Variants in EIF4G3 observed in about 807,000 individuals in gnomAD.
EIF4G3 encodes eukaryotic translation initiation factor 4 gamma 3.
EIF4G3 carries 34 observed loss-of-function variants against 186.4 expected under a neutral mutation model. That is an observed-to-expected ratio of 0.18 (90% CI 0.14 to 0.24). The LOEUF is 0.24. EIF4G3 is among the 10% of genes least tolerant of loss of function. EIF4G3 has a pLI of 1.00. For synonymous variants in EIF4G3, 673 were observed against 679.5 expected, an observed-to-expected ratio of 0.99 and a Z score of 0.15; for missense variants, 1,536 against 1,948.5, an observed-to-expected ratio of 0.79 and a Z score of 3.99.
chr1:21,038,696 A>T (rs2093383102), intron 4 of EIF4G3, among the ~76,000 whole-genome samples: 8 of 152,086 alleles, frequency 5.3e-5, no homozygotes, highest in Admixed American at 5.2e-4. Context: ...TAGGACTTCA[A>T]ATTAGATTTT....
Position 21,021,467 on chromosome 1 carries a change from C to T in EIF4G3, c.-66-18659G>A, listed in dbSNP as rs2090661890. The stretch of plus-strand genomic sequence containing the variant: ...ATGATTATTATGTAAGCTCAGGCTT[C>T]CAAGTGCTCTCTCCTTCAAAGCCAA... On this transcript the variant is annotated intron_variant, in intron 4 of 36. Coordinates refer to ENST00000602326, the MANE Select transcript of EIF4G3 (RefSeq NM_001391906.1). Among the ~76,000 whole-genome samples the T allele has an allele frequency of 2.0e-5, 3 of 152,218 alleles. No individual in the cohort carries two copies. The South Asian group carries it at 6.2e-4, about 31-fold the overall frequency.
At chr1:20,858,983 G>A (rs969631403) in intron 24 of EIF4G3, among the ~76,000 whole-genome samples, 1 of 152,126 alleles carries the variant, frequency 6.6e-6, no homozygotes, top group East Asian at 1.9e-4. Flanking sequence ...GCGACAGAGC[G>A]AGACTCATCT....
chr1:21,113,311 A>G (rs2096760331), intron 2 of EIF4G3, among the ~76,000 whole-genome samples: 1 of 150,294 alleles, frequency 6.7e-6, no homozygotes, highest in South Asian at 2.1e-4. Flanking sequence ...AGGCTGAATG[A>G]TTTTTTTTTT....
At chr1:21,029,671 TATA>T (rs1419245057) in intron 4 of EIF4G3, among the ~76,000 whole-genome samples, 4 of 151,852 alleles carry the variant, frequency 2.6e-5, no homozygotes, top group African/African-American at 9.7e-5. Flanking sequence ...AAAATAAAGT[TATA>T]GTAGTTAGTG....
intron 3 of EIF4G3, among the ~76,000 whole-genome samples, chr1:21,061,377 G>C (rs1365290032): frequency 6.6e-6 from 1 of 152,148 alleles, no homozygotes; most frequent in African/African-American, 2.4e-5. Flanking sequence ...ATTACTGTGA[G>C]ACAGGATTAG....
chr1:20,989,262 A>T (rs1570478421), intron 7 of EIF4G3, among the ~76,000 whole-genome samples: 2 of 151,538 alleles, frequency 1.3e-5, no homozygotes, highest in East Asian at 3.9e-4. Context: ...CTAGAATTAG[A>T]AGTAGTGCCT....
At chr1:20,901,680 TG>T in intron 15 of EIF4G3, among the ~76,000 whole-genome samples, 1 of 152,278 alleles carries the variant, frequency 6.6e-6, no homozygotes, top group South Asian at 2.1e-4. Flanking sequence ...CTGAATTATC[TG>T]AGGTGTATTA....
intron 3 of EIF4G3, among the ~76,000 whole-genome samples, chr1:21,056,205 G>A (rs1193607732): frequency 6.6e-6 from 1 of 152,058 alleles, no homozygotes; most frequent in Non-Finnish European, 1.5e-5. Context: ...TTCTAAAAAG[G>A]CACTTCCTCC....
intron 4 of EIF4G3, among the ~76,000 whole-genome samples, chr1:21,037,431 T>A (rs1215835574): frequency 6.6e-6 from 1 of 152,136 alleles, no homozygotes; most frequent in African/African-American, 2.4e-5. Context: ...CACTATAGTA[T>A]AACTTTAAAT....
chr1:21,079,931 C>T, intron 3 of EIF4G3, among the ~76,000 whole-genome samples: 1 of 151,158 alleles, frequency 6.6e-6, no homozygotes, highest in East Asian at 2.0e-4. Flanking sequence ...GCAGGTGGAT[C>T]ACCTGAGGTC....
intron 20 of EIF4G3, among the ~76,000 whole-genome samples, chr1:20,875,500 C>T (rs2080492256): frequency 6.6e-6 from 1 of 152,132 alleles, no homozygotes; most frequent in Non-Finnish European, 1.5e-5. Flanking sequence ...ACAAATAGTC[C>T]TGAGGACAGC....
chr1:21,131,762 G>A (rs2097158604), intron 2 of EIF4G3, among the ~76,000 whole-genome samples: 1 of 152,120 alleles, frequency 6.6e-6, no homozygotes, highest in East Asian at 1.9e-4. Flanking sequence ...AGCTTGAGCC[G>A]AGAAGTTTGA....
intron 12 of EIF4G3, among the ~76,000 whole-genome samples, chr1:20,951,754 G>C (rs866839148): frequency 6.6e-6 from 1 of 151,330 alleles, no homozygotes; most frequent in Non-Finnish European, 1.5e-5. Context: ...AAATAAAAAG[G>C]GGGGGGCAGG....
chr1:21,143,518 G>A (rs1356884026), intron 2 of EIF4G3, among the ~76,000 whole-genome samples: 2 of 152,144 alleles, frequency 1.3e-5, no homozygotes, highest in African/African-American at 4.8e-5. Context: ...AGTTAACCAA[G>A]GAGGTGTGCA....
At chr1:20,935,455 AT>A (rs1337035394) in intron 14 of EIF4G3, among the ~76,000 whole-genome samples, 1 of 152,208 alleles carries the variant, frequency 6.6e-6, no homozygotes, top group Admixed American at 6.5e-5. Context: ...TATTTTGGGC[AT>A]TTTTATGCAT....
At chr1:20,934,015 T>C (rs984911759) in intron 14 of EIF4G3, among the ~76,000 whole-genome samples, 15 of 152,220 alleles carry the variant, frequency 9.9e-5, no homozygotes, top group Non-Finnish European at 2.1e-4. Context: ...AACTGTTTTA[T>C]ATTTTGACTG....
chr1:21,042,684 C>G (rs1032210432), intron 4 of EIF4G3, among the ~76,000 whole-genome samples: 3 of 152,174 alleles, frequency 2.0e-5, no homozygotes, highest in Admixed American at 6.5e-5. Context: ...AAACTCAAGA[C>G]AATATTATAC....
chr1:20,893,083 TTTTTC>T (rs1465896556), intron 18 of EIF4G3: 1 of 217,858 alleles, frequency 4.6e-6, no homozygotes, highest in Non-Finnish European at 9.0e-6. Flanking sequence ...CTGGCCTATT[TTTTTC>T]TTTTCTTTTT....
intron 3 of EIF4G3, among the ~76,000 whole-genome samples, chr1:21,053,437 C>T (rs1363388984): frequency 4.0e-5 from 6 of 150,596 alleles, no homozygotes; most frequent in African/African-American, 7.3e-5. Context: ...GCCCACCCCC[C>T]GGCCAGCCGC....
Sources: gnomAD v4.1 joint callset for allele counts (sites outside exome capture counted in the v4.1 genomes callset) on GRCh38, gnomAD v4.1.1 for gene constraint, MANE v1.5 for transcripts, NCBI Gene and HGNC (gene_info 2026-07-23, HGNC 2026-07-21) for gene names.